Variants in ANO1 observed in about 807,000 individuals in gnomAD.
ANO1 encodes anoctamin 1, also known as anoctamin-1.
Under a neutral mutation model 124.0 loss-of-function variants are expected in ANO1, and 59 were observed. The ratio of observed to expected loss-of-function variants is 0.48; its 90% confidence interval spans 0.39 to 0.59. The LOEUF is 0.59. Among genes scored for constraint, ANO1 ranks in the 20% least tolerant of loss-of-function variants. The pLI, the probability that ANO1 is intolerant of heterozygous loss-of-function variation, is 0.00. For missense variants in ANO1, 1,059 were observed against 1,328.0 expected, an observed-to-expected ratio of 0.80 and a Z score of 3.15; for synonymous variants, 529 against 532.0, an observed-to-expected ratio of 0.99 and a Z score of 0.08.
intron 1 of ANO1, among the ~76,000 whole-genome samples, chr11:69,998,285 C>G (rs1554998705): frequency 6.6e-6 from 1 of 152,264 alleles, no homozygotes; most frequent in East Asian, 1.9e-4. Context: ...ATAGCTCCAT[C>G]ACCCCAGAAC....
At chr11:70,143,326 G>GGA (rs2047226161) in intron 11 of ANO1, among the ~76,000 whole-genome samples, 1 of 152,184 alleles carries the variant, frequency 6.6e-6, no homozygotes, top group Non-Finnish European at 1.5e-5. Context: ...GCATCTCAGG[G>GGA]GAGAGAGAGC....
chr11:69,973,163 C>T, the ANO1 span, among the ~76,000 whole-genome samples: 2 of 152,146 alleles, frequency 1.3e-5, no homozygotes, highest in South Asian at 4.1e-4. Flanking sequence ...CCCACCTCAG[C>T]CTCCCAAGGT....
chr11:69,993,616 G>A (rs897322690), intron 1 of ANO1, among the ~76,000 whole-genome samples: 2 of 152,206 alleles, frequency 1.3e-5, no homozygotes, highest in African/African-American at 2.4e-5. Flanking sequence ...TCACAAAACT[G>A]TGGGCACCAC....
intron 1 of ANO1, among the ~76,000 whole-genome samples, chr11:70,055,311 A>G (rs1857417280): frequency 6.6e-6 from 1 of 152,090 alleles, no homozygotes; most frequent in Admixed American, 6.6e-5. Flanking sequence ...ATCACAATTA[A>G]TGGTTTATTC....
At chr11:70,139,866 G>A (rs1250953463) in intron 11 of ANO1, among the ~76,000 whole-genome samples, 1 of 152,182 alleles carries the variant, frequency 6.6e-6, no homozygotes, top group Non-Finnish European at 1.5e-5. Flanking sequence ...CCTACTCCGC[G>A]GGCATTACTA....
chr11:70,185,549 CACCGAA>C, intron 24 of ANO1, 35 bp from the exon 25 acceptor site: 1 of 1,580,410 alleles, frequency 6.3e-7, no homozygotes, highest in Non-Finnish European at 8.7e-7. Context: ...GCCTGAGCCC[CACCGAA>C]GTCCCACCCT....
At chr11:70,032,402 G>T (rs1257889684) in intron 1 of ANO1, among the ~76,000 whole-genome samples, 1 of 152,176 alleles carries the variant, frequency 6.6e-6, no homozygotes, top group African/African-American at 2.4e-5. Flanking sequence ...CTACCTCAAA[G>T]GCCCAGGGCA....
At chr11:70,011,251 G>A (rs1346189928) in intron 1 of ANO1, among the ~76,000 whole-genome samples, 1 of 152,146 alleles carries the variant, frequency 6.6e-6, no homozygotes, top group Non-Finnish European at 1.5e-5. Flanking sequence ...CAGAGACATG[G>A]AGTTTGGCTG....
At chr11:70,134,405 C>CG (rs2046875466) in intron 11 of ANO1, among the ~76,000 whole-genome samples, 1 of 152,198 alleles carries the variant, frequency 6.6e-6, no homozygotes, top group African/African-American at 2.4e-5. Context: ...ATAGCGCCCC[C>CG]GGGGCTCAGA....
chr11:69,969,033 G>A, the ANO1 span, among the ~76,000 whole-genome samples: 1 of 152,188 alleles, frequency 6.6e-6, no homozygotes, highest in Non-Finnish European at 1.5e-5. Flanking sequence ...AGTTAGATAT[G>A]TGGCAGTCAG....
intron 1 of ANO1, among the ~76,000 whole-genome samples, chr11:70,054,020 A>G (rs1555006556): frequency 6.6e-6 from 1 of 152,202 alleles, no homozygotes; most frequent in African/African-American, 2.4e-5. Flanking sequence ...AAACTGTCGT[A>G]ATGTCTGCTT....
chr11:70,010,179 G>GTATGTGTGTGTATATATATATATATATA (rs1188271051), intron 1 of ANO1, among the ~76,000 whole-genome samples: 4,000 of 83,282 alleles, frequency 0.048, 679 homozygotes, highest in Middle Eastern at 0.074. Context: ...GTGTGTGTGT[G>GTATGTGTGTGTATATATATATATATATA]TATATATATA....
At chr11:69,982,512 A>G (rs1261559682), upstream of ANO1, among the ~76,000 whole-genome samples, 1 of 152,230 alleles carries the variant, frequency 6.6e-6, no homozygotes, top group African/African-American at 2.4e-5. Context: ...ACTAGGATGA[A>G]TATGATGCAA....
intron 17 of ANO1, 75 bp from the exon 18 acceptor site, chr11:70,161,547 C>G (rs1204578403): frequency 6.6e-7 from 1 of 1,520,206 alleles, no homozygotes; most frequent in Non-Finnish European, 9.1e-7. Flanking sequence ...GTGCCAGTGG[C>G]CAGCCAGAAG....
chr11:70,087,629 C>T (rs575164929), intron 1 of ANO1, 123 bp from the exon 2 acceptor site: 113 of 953,808 alleles, frequency 1.2e-4, no homozygotes, highest in Admixed American at 4.1e-4. Flanking sequence ...CCGTGGAGGG[C>T]GCTCAGGGAG....
At chr11:69,968,661 T>C in the ANO1 span, among the ~76,000 whole-genome samples, 1 of 152,140 alleles carries the variant, frequency 6.6e-6, no homozygotes, top group Admixed American at 6.5e-5. Context: ...GTGGCATCGC[T>C]CTGTCATTCC....
intron 1 of ANO1, among the ~76,000 whole-genome samples, chr11:70,062,682 G>A (rs537961365): frequency 3.3e-5 from 5 of 152,284 alleles, no homozygotes; most frequent in Non-Finnish European, 7.4e-5. Context: ...CTGTGTGCAT[G>A]TCTCTCCTCC....
intron 1 of ANO1, among the ~76,000 whole-genome samples, chr11:69,999,000 C>T (rs1305570372): frequency 6.7e-6 from 1 of 150,086 alleles, no homozygotes; most frequent in African/African-American, 2.5e-5. Flanking sequence ...TACTACTGCA[C>T]TCCAGCCTGG....
intron 1 of ANO1, among the ~76,000 whole-genome samples, chr11:69,996,700 G>A (rs1314927481): frequency 6.6e-6 from 1 of 152,170 alleles, no homozygotes; most frequent in East Asian, 1.9e-4. Flanking sequence ...GCAGGAATGG[G>A]TGTACTGGCT....
Sources: gnomAD v4.1 joint callset for allele counts (sites outside exome capture counted in the v4.1 genomes callset) on GRCh38, gnomAD v4.1.1 for gene constraint, MANE v1.5 for transcripts, NCBI Gene and HGNC (gene_info 2026-07-23, HGNC 2026-07-21) for gene names.